MAST4: variants seen among roughly 807,000 people sequenced by gnomAD.
MAST4 encodes the protein microtubule-associated serine/threonine-protein kinase 4.
A neutral mutation model predicts 162.7 loss-of-function variants in MAST4; 89 were observed. The observed-to-expected ratio is 0.55, with a 90% CI of 0.46 to 0.65. The LOEUF is 0.65. Among genes scored for constraint, MAST4 ranks in the 30% least tolerant of loss-of-function variants. The probability of loss-of-function intolerance (pLI) is 0.00; values close to 1 mark genes in which losing one functional copy is unlikely to be tolerated. For missense variants in MAST4, 3,153 were observed against 3,374.0 expected (o/e 0.93, Z 1.62); for synonymous variants, 1,479 against 1,361.1 (o/e 1.09, Z -1.91).
chr5:66,877,609 C>CA (rs1554062877), intron 3 of MAST4, among the ~76,000 whole-genome samples: 1 of 152,168 alleles, frequency 6.6e-6, no homozygotes, highest in African/African-American at 2.4e-5. Context: ...ACCACCGGCA[C>CA]GGGCCTGGCA....
At chr5:66,762,857 C>A (rs1457786713) in intron 2 of MAST4, among the ~76,000 whole-genome samples, 2 of 152,144 alleles carry the variant, frequency 1.3e-5, no homozygotes, top group Non-Finnish European at 2.9e-5. Context: ...TTTTGCCAAC[C>A]AATTATCCTT....
At chr5:67,155,203 C>T (rs1772336203) in intron 26 of MAST4, among the ~76,000 whole-genome samples, 2 of 152,188 alleles carry the variant, frequency 1.3e-5, no homozygotes, top group Non-Finnish European at 2.9e-5. Context: ...CAAAGTGAAC[C>T]TGCTATGGGA....
At chr5:66,876,946 A>G (rs181619291) in intron 3 of MAST4, among the ~76,000 whole-genome samples, 18 of 152,358 alleles carry the variant, frequency 1.2e-4, no homozygotes, top group African/African-American at 3.6e-4. Context: ...TAAAAAATCA[A>G]TTCTGCAGTA....
intron 3 of MAST4, among the ~76,000 whole-genome samples, chr5:66,845,849 A>G (rs1194140273): frequency 1.3e-5 from 2 of 152,262 alleles, no homozygotes; most frequent in Non-Finnish European, 2.9e-5. Flanking sequence ...ATAAATAGAC[A>G]TTTATTTATT....
At chr5:67,149,248 G>A (rs1209245303) in intron 23 of MAST4, 141 bp from the exon 24 acceptor site, 6 of 686,450 alleles carry the variant, frequency 8.7e-6, no homozygotes, top group Non-Finnish European at 1.3e-5. Context: ...GTTAATGTTC[G>A]CCTGACACCG....
chr5:66,623,645 G>T (rs188705432), intron 1 of MAST4, among the ~76,000 whole-genome samples: 1 of 152,180 alleles, frequency 6.6e-6, no homozygotes, highest in Non-Finnish European at 1.5e-5. Flanking sequence ...CATATATGAA[G>T]GACCCACAAC....
intron 3 of MAST4, 37 bp from the exon 4 acceptor site, chr5:66,899,914 C>T: frequency 1.3e-6 from 2 of 1,481,758 alleles, no homozygotes; most frequent in Admixed American, 2.6e-5. Context: ...AAGGTTAATG[C>T]AGCATTGCTT....
intron 1 of MAST4, among the ~76,000 whole-genome samples, chr5:66,693,762 T>A (rs890202612): frequency 7.0e-6 from 1 of 142,530 alleles, no homozygotes. Context: ...CTAGAATTTT[T>A]AAGCTAGATG....
At chr5:66,847,962 CCA>C (rs1171524880) in intron 3 of MAST4, among the ~76,000 whole-genome samples, 2 of 152,052 alleles carry the variant, frequency 1.3e-5, no homozygotes, top group Non-Finnish European at 2.9e-5. Context: ...GTTCTTACAG[CCA>C]CTGTAAGGCC....
intron 4 of MAST4, among the ~76,000 whole-genome samples, chr5:66,907,365 G>C (rs13181996): frequency 0.033 from 4,975 of 152,150 alleles, 155 homozygotes; most frequent in African/African-American, 0.076. Context: ...AAGAATCAGT[G>C]GGGAAAGGGT....
At chr5:66,896,816 C>T (rs903223725) in intron 3 of MAST4, among the ~76,000 whole-genome samples, 6 of 152,198 alleles carry the variant, frequency 3.9e-5, no homozygotes, top group Admixed American at 3.9e-4. Flanking sequence ...ATCATTTACG[C>T]TTCTTTCTTC....
intron 4 of MAST4, among the ~76,000 whole-genome samples, chr5:67,048,621 A>T (rs1757671138): frequency 6.6e-6 from 1 of 152,178 alleles, no homozygotes; most frequent in Non-Finnish European, 1.5e-5. Flanking sequence ...TAGGACAGTG[A>T]TAGTAAATAT....
intron 4 of MAST4, among the ~76,000 whole-genome samples, chr5:66,996,889 G>C (rs1219837677): frequency 1.3e-5 from 2 of 152,112 alleles, no homozygotes; most frequent in African/African-American, 2.4e-5. Flanking sequence ...ATATTCACAG[G>C]TTCCAGAGAT....
At chr5:66,742,801 TGTC>T (rs1207677074) in intron 1 of MAST4, among the ~76,000 whole-genome samples, 1 of 152,152 alleles carries the variant, frequency 6.6e-6, no homozygotes, top group African/African-American at 2.4e-5. Context: ...AGCCAGATCT[TGTC>T]GTCAAGAACA....
intron 21 of MAST4, 76 bp from the exon 22 acceptor site, chr5:67,144,593 C>T: frequency 6.8e-7 from 1 of 1,467,890 alleles, no homozygotes; most frequent in Non-Finnish European, 9.4e-7. Context: ...TCAGGTTTTT[C>T]TCCCAAGACT....
intron 1 of MAST4, among the ~76,000 whole-genome samples, chr5:66,643,532 A>G (rs1468733097): frequency 6.6e-6 from 1 of 152,174 alleles, no homozygotes; most frequent in Admixed American, 6.5e-5. Flanking sequence ...AGTGTTTTTC[A>G]GTAATTTATT....
chr5:67,165,283 C>T lies in MAST4; in HGVS notation c.6104C>T (p.Ala2035Val). 6.2e-7 allele frequency: 1 copy of T among 1,613,468 alleles called. No individual in the cohort carries two copies. ...FYTQTQAMEK[A>V]WAPGGKTNHK... The stretch of plus-strand genomic sequence containing the variant: ...ACACAGACCCAGGCCATGGAGAAAG[C>T]ATGGGCGCCGGGTGGGAAAACGAAC... The change falls in exon 29 of 29, where the codon GCA becomes GTA. Residue 2035 changes from alanine (A) to valine (V), a missense_variant. By Grantham distance (64) the Ala-to-Val change is moderately conservative. Around this residue, in one of 7 missense-constraint regions of MAST4, gnomAD observed 1,644 missense variants for 1,495.0 expected, o/e 1.10. Transcript: ENST00000403625.
intron 4 of MAST4, chr5:66,958,978 G>A: frequency 1.3e-5 from 5 of 380,526 alleles, no homozygotes; most frequent in East Asian, 3.8e-5. Context: ...AAAAAAATCA[G>A]AAACCAATTA....
intron 3 of MAST4, among the ~76,000 whole-genome samples, chr5:66,865,492 T>C (rs975288854): frequency 6.6e-6 from 1 of 152,248 alleles, no homozygotes; most frequent in African/African-American, 2.4e-5. Flanking sequence ...TTCAAGATGT[T>C]ATTACATAGG....
Sources: allele counts gnomAD v4.1 joint callset (sites outside exome capture counted in the v4.1 genomes callset), GRCh38; gene constraint gnomAD v4.1.1; regional missense constraint gnomAD v4.1.1; transcripts MANE v1.5; gene names NCBI Gene and HGNC (gene_info 2026-07-23, HGNC 2026-07-21).